Variants in MARCHF1 observed in about 807,000 individuals in gnomAD.
MARCHF1 encodes the protein membrane associated ring-CH-type finger 1.
Under a neutral mutation model 54.2 loss-of-function variants are expected in MARCHF1, and 40 were observed. The ratio of observed to expected loss-of-function variants is 0.74; its 90% CI spans 0.57 to 0.96. MARCHF1 has a LOEUF of 0.96. MARCHF1 is among the 40% of genes least tolerant of loss of function. The pLI is 0.00. For missense variants in MARCHF1, 586 were observed against 656.5 expected (o/e 0.89, Z 1.17); for synonymous variants, 236 against 236.3 (o/e 1.00, Z 0.01).
intron 5 of MARCHF1, among the ~76,000 whole-genome samples, chr4:163,626,229 C>T (rs895067021): frequency 6.6e-5 from 10 of 152,090 alleles, no homozygotes; most frequent in Non-Finnish European, 1.5e-4. Context: ...TCTGAAAATC[C>T]ATTTATAGAC....
At chr4:163,542,856 A>C (rs1204643274) in intron 9 of MARCHF1, among the ~76,000 whole-genome samples, 1 of 152,216 alleles carries the variant, frequency 6.6e-6, no homozygotes, top group Non-Finnish European at 1.5e-5. Flanking sequence ...GGGAGCTGTA[A>C]TGAGTTTCCC....
At chr4:163,954,880 T>G (rs909030668) in intron 3 of MARCHF1, among the ~76,000 whole-genome samples, 3 of 152,122 alleles carry the variant, frequency 2.0e-5, no homozygotes, top group African/African-American at 7.2e-5. Flanking sequence ...CAGAATAAAA[T>G]TGCTTCATTT....
At chr4:163,680,921 C>T (rs550012073) in intron 5 of MARCHF1, among the ~76,000 whole-genome samples, 84 of 151,604 alleles carry the variant, frequency 5.5e-4, no homozygotes, top group Non-Finnish European at 1.1e-3. Context: ...TTCTAGTTGC[C>T]TAGCACTGTG....
intron 1 of MARCHF1, among the ~76,000 whole-genome samples, chr4:164,250,138 G>A (rs1224612338): frequency 6.6e-6 from 1 of 152,084 alleles, no homozygotes; most frequent in Non-Finnish European, 1.5e-5. Flanking sequence ...GTGATGACAT[G>A]TAGCACTGAT....
At chr4:164,351,551 C>A (rs1259563543) in intron 1 of MARCHF1, among the ~76,000 whole-genome samples, 1 of 152,132 alleles carries the variant, frequency 6.6e-6, no homozygotes, top group East Asian at 1.9e-4. Flanking sequence ...AGCTGACAGT[C>A]CTGTCTGTTA....
chr4:163,766,283 C>T (rs946088874), intron 4 of MARCHF1, among the ~76,000 whole-genome samples: 5 of 151,880 alleles, frequency 3.3e-5, no homozygotes, highest in Non-Finnish European at 5.9e-5. Context: ...CAGAGCAAAC[C>T]AATATAACTT....
At chr4:164,213,288 C>A (rs1731832849) in intron 1 of MARCHF1, among the ~76,000 whole-genome samples, 1 of 150,760 alleles carries the variant, frequency 6.6e-6, no homozygotes, top group Admixed American at 6.6e-5. Flanking sequence ...GGCTGGAGTG[C>A]AGTGGCGCAA....
intron 1 of MARCHF1, among the ~76,000 whole-genome samples, chr4:164,321,694 C>T (rs934868076): frequency 1.3e-5 from 2 of 152,030 alleles, no homozygotes; most frequent in Non-Finnish European, 2.9e-5. Flanking sequence ...ATTTTGAGAA[C>T]ATGCAAAGAG....
intron 3 of MARCHF1, among the ~76,000 whole-genome samples, chr4:163,924,755 TAGAAAGG>T (rs1751502546): frequency 1.3e-5 from 2 of 152,032 alleles, no homozygotes; most frequent in Admixed American, 6.6e-5. Flanking sequence ...ATATTGAGCC[TAGAAAGG>T]TTTAATCCAA....
At chr4:163,608,404 G>A (rs1264061871) in intron 7 of MARCHF1, among the ~76,000 whole-genome samples, 2 of 152,030 alleles carry the variant, frequency 1.3e-5, no homozygotes, top group Non-Finnish European at 2.9e-5. Flanking sequence ...ATGATGGGTG[G>A]TGGAGCTAGA....
At chr4:163,791,235 A>G (rs974464229) in intron 4 of MARCHF1, among the ~76,000 whole-genome samples, 1 of 152,146 alleles carries the variant, frequency 6.6e-6, no homozygotes, top group East Asian at 1.9e-4. Flanking sequence ...GTATGTGGAC[A>G]TATAGCCATC....
At chr4:163,902,566 C>CT in intron 3 of MARCHF1, among the ~76,000 whole-genome samples, 1 of 152,144 alleles carries the variant, frequency 6.6e-6, no homozygotes. Context: ...TCTTTAATGG[C>CT]TTTTTCCTCC....
chr4:164,039,273 G>A (rs543615443), intron 2 of MARCHF1, among the ~76,000 whole-genome samples: 5 of 152,150 alleles, frequency 3.3e-5, no homozygotes, highest in Non-Finnish European at 7.3e-5. Flanking sequence ...CCACAGGCTT[G>A]GTGTAGAACT....
intron 3 of MARCHF1, among the ~76,000 whole-genome samples, chr4:163,911,603 A>G (rs181565459): frequency 1.8e-3 from 267 of 152,314 alleles, no homozygotes; most frequent in African/African-American, 6.3e-3. Context: ...TATGGGCTGA[A>G]TCGTGTCACT....
chr4:163,723,076 G>T (rs1745531454), intron 4 of MARCHF1, among the ~76,000 whole-genome samples: 1 of 152,180 alleles, frequency 6.6e-6, no homozygotes, highest in South Asian at 2.1e-4. Context: ...TATGATGTTA[G>T]CTGGTTATTT....
At chr4:164,100,309 G>C (rs1184459213) in intron 2 of MARCHF1, among the ~76,000 whole-genome samples, 4 of 152,212 alleles carry the variant, frequency 2.6e-5, no homozygotes, top group African/African-American at 4.8e-5. Flanking sequence ...CATTAAGAGA[G>C]TCAACTCAAG....
chr4:164,143,819 A>G (rs1162144637), intron 1 of MARCHF1, among the ~76,000 whole-genome samples: 1 of 152,196 alleles, frequency 6.6e-6, no homozygotes, highest in East Asian at 1.9e-4. Context: ...TTCACACATA[A>G]CAATATTGAC....
chr4:164,161,215 G>A (rs530017054), intron 1 of MARCHF1, among the ~76,000 whole-genome samples: 1 of 152,152 alleles, frequency 6.6e-6, no homozygotes, highest in African/African-American at 2.4e-5. Context: ...GAGTTGTTCT[G>A]CGATCTGGTT....
At chr4:163,855,166 C>G (rs1241662410) in intron 3 of MARCHF1, among the ~76,000 whole-genome samples, 1 of 151,916 alleles carries the variant, frequency 6.6e-6, no homozygotes, top group Non-Finnish European at 1.5e-5. Context: ...ATCTAAATGA[C>G]AAAATACTCA....
Sources: gnomAD v4.1 joint callset for allele counts (sites outside exome capture counted in the v4.1 genomes callset) on GRCh38, gnomAD v4.1.1 for gene constraint, MANE v1.5 for transcripts, NCBI Gene and HGNC (gene_info 2026-07-23, HGNC 2026-07-21) for gene names.